The following DISP1 variants were observed in gnomAD, a reference collection of about 807,000 sequenced individuals.
The protein encoded by DISP1 is dispatched RND transporter family member 1, also known as protein dispatched homolog 1.
In DISP1, 30 loss-of-function variants were observed where a neutral mutation model predicts 37.3. The observed-to-expected ratio is 0.80, with a 90% confidence interval of 0.60 to 1.09. The LOEUF (loss-of-function observed/expected upper bound fraction) is 1.09, where lower values mean the gene tolerates loss of function less well. Ranked by LOEUF, DISP1 falls within the 50% of genes least tolerant of loss-of-function variation. DISP1 has a pLI of 0.00. For missense variants in DISP1, 1,598 were observed against 1,879.5 expected, an observed-to-expected ratio of 0.85 and a Z score of 2.77; for synonymous variants, 634 against 690.2, an observed-to-expected ratio of 0.92 and a Z score of 1.28.
chr1:222,924,924 C>T (rs1419737761), intron 1 of DISP1, among the ~76,000 whole-genome samples: 1 of 151,998 alleles, frequency 6.6e-6, no homozygotes, highest in Non-Finnish European at 1.5e-5. Context: ...TTTTTCCCTC[C>T]CCCATGCCCT....
intron 1 of DISP1, among the ~76,000 whole-genome samples, chr1:222,861,477 G>T (rs1177870895): frequency 6.6e-6 from 1 of 152,152 alleles, no homozygotes; most frequent in Non-Finnish European, 1.5e-5. Context: ...CTTTGAGAAA[G>T]AGATTATGTA....
chr1:222,845,620 A>G (rs1667853728), intron 1 of DISP1, among the ~76,000 whole-genome samples: 1 of 152,198 alleles, frequency 6.6e-6, no homozygotes, highest in South Asian at 2.1e-4. Context: ...ATTTTTGAAC[A>G]ATATGTTTAG....
At chr1:222,973,508 A>C (rs1677098547) in intron 3 of DISP1, among the ~76,000 whole-genome samples, 1 of 152,172 alleles carries the variant, frequency 6.6e-6, no homozygotes, top group East Asian at 1.9e-4. Context: ...TTTGTATATG[A>C]ATGTGTACTC....
chr1:222,991,464 A>T, intron 5 of DISP1, 56 bp from the exon 6 acceptor site: 1 of 1,609,344 alleles, frequency 6.2e-7, no homozygotes, highest in Non-Finnish European at 8.5e-7. Context: ...CTTTTATTGT[A>T]ACTGTACTTA....
chr1:222,815,772 G>A lies in DISP1; in HGVS notation c.-159+694G>A, dbSNP rs1661063604. On this transcript the variant is annotated intron_variant, in intron 1 of 8. Coordinates refer to ENST00000675850, the MANE Select transcript of DISP1 (RefSeq NM_001377229.1). ...TCTTCACCCAAGGAAGACAACCAAA[G>A]TTTTCCTTTTGGACTCTTCTCTACC... Among the ~76,000 whole-genome samples, 4 of 152,242 alleles carry A rather than the reference G, an allele frequency of 2.6e-5. No individual in the cohort carries two copies. The South Asian group carries it at 8.3e-4, about 32-fold the overall frequency.
intron 1 of DISP1, among the ~76,000 whole-genome samples, chr1:222,915,533 CT>C (rs1270690817): frequency 1.3e-5 from 2 of 152,188 alleles, no homozygotes; most frequent in African/African-American, 4.8e-5. Context: ...CATTAGAATT[CT>C]TGGTCATTGA....
In DISP1 at chr1:223,004,983, C is replaced by T. The variant is rs1031827162; in HGVS notation, c.3586C>T (p.Pro1196Ser). ...GGAGCATGAGTTTTATGAATTAGAA[C>T]CTCTGGCTTCCCACAGCTGCACTGC... is the stretch of plus-strand genomic sequence containing the variant. ...ELEHEFYELEPLASHSCTAPE... is the reference protein window; with the variant it reads ...ELEHEFYELESLASHSCTAPE... Residue 1196 changes from proline (P) to serine (S), a missense_variant, in exon 9 of 9, where the codon CCT becomes TCT. Coordinates refer to ENST00000675850, the MANE Select transcript of DISP1 (RefSeq NM_001377229.1). The surrounding 1 kb of genome is among the most constrained non-coding windows in gnomAD (Gnocchi z 4.9). The T allele has an allele frequency of 6.2e-7, 1 of 1,614,038 alleles. No individual in the cohort carries two copies. The highest frequency in any genetic ancestry group is 2.2e-5 in the East Asian group (1 of 44,870).
intron 1 of DISP1, among the ~76,000 whole-genome samples, chr1:222,829,459 T>A (rs980705612): frequency 6.6e-6 from 1 of 150,634 alleles, no homozygotes; most frequent in Non-Finnish European, 1.5e-5. Context: ...TTTTTTTTTT[T>A]CATGAGATAG....
chr1:222,941,630 G>A (rs75505205), intron 2 of DISP1, among the ~76,000 whole-genome samples: 13,554 of 152,112 alleles, frequency 0.089, 644 homozygotes, highest in South Asian at 0.18. Context: ...TGCCTCTGCT[G>A]AGCAGTTTAC....
chr1:222,841,217 T>C (rs1257644255), intron 1 of DISP1, among the ~76,000 whole-genome samples: 1 of 152,224 alleles, frequency 6.6e-6, no homozygotes, highest in African/African-American at 2.4e-5. Context: ...CATATTTGAC[T>C]CCTTCCTTTT....
chr1:222,886,955 T>G (rs1185135860), intron 1 of DISP1, among the ~76,000 whole-genome samples: 1 of 152,218 alleles, frequency 6.6e-6, no homozygotes, highest in African/African-American at 2.4e-5. Context: ...TCTCTCAGAA[T>G]TTTTTGGGCA....
intron 1 of DISP1, among the ~76,000 whole-genome samples, chr1:222,819,765 T>C (rs963016706): frequency 2.0e-5 from 3 of 152,112 alleles, no homozygotes; most frequent in African/African-American, 7.2e-5. Context: ...GGTCTTGAAC[T>C]CTTGACCTCA....
chr1:222,991,778 T>G, intron 6 of DISP1, 131 bp downstream of exon 6: 1 of 1,082,928 alleles, frequency 9.2e-7, no homozygotes, highest in Non-Finnish European at 1.3e-6. Flanking sequence ...TGAATTTGCT[T>G]AACTTGTCAT....
intron 2 of DISP1, among the ~76,000 whole-genome samples, chr1:222,935,010 A>G (rs940339419): frequency 1.3e-5 from 2 of 152,114 alleles, no homozygotes; most frequent in African/African-American, 4.8e-5. Flanking sequence ...TTAATTGTGC[A>G]TATCTTGCCA....
chr1:222,837,210 A>G (rs1667267870), intron 1 of DISP1: 1 of 393,352 alleles, frequency 2.5e-6, no homozygotes, highest in African/African-American at 2.1e-5. Context: ...TTGGCTGGGA[A>G]ATGACAAGAA....
At chr1:222,842,679 AACAC>A (rs1413750263) in intron 1 of DISP1, among the ~76,000 whole-genome samples, 2 of 152,108 alleles carry the variant, frequency 1.3e-5, no homozygotes, top group Non-Finnish European at 2.9e-5. Flanking sequence ...TGCATCTGTT[AACAC>A]ACAGGCTTTG....
chr1:222,857,269 A>G (rs1445051533), intron 1 of DISP1, among the ~76,000 whole-genome samples: 1 of 152,104 alleles, frequency 6.6e-6, no homozygotes, highest in African/African-American at 2.4e-5. Context: ...TACATATCTA[A>G]AAAAAAGAAA....
intron 3 of DISP1, among the ~76,000 whole-genome samples, chr1:222,952,570 A>G (rs974179038): frequency 6.6e-6 from 1 of 152,188 alleles, no homozygotes; most frequent in Admixed American, 6.6e-5. Context: ...CCTGAAGGAC[A>G]GCTGTGCGCA....
Position 222,943,378 on chromosome 1 carries a change from G to A in DISP1, c.509+46G>A, listed in dbSNP as rs767700489. The A allele has an allele frequency of 1.8e-5, 29 of 1,611,756 alleles. No homozygotes were observed. In the East Asian group the frequency reaches 3.1e-4, roughly 17 times the overall value. On this transcript the variant is annotated intron_variant, in intron 3 of 8. Coordinates refer to ENST00000675850, the MANE Select transcript of DISP1 (RefSeq NM_001377229.1). Reference sequence around the variant, plus strand: ...GCTTTTAGCATTCAACTAATGCCACGTGAACATGACAGCTTGTGTTTATTT... The same window carrying A: ...GCTTTTAGCATTCAACTAATGCCACATGAACATGACAGCTTGTGTTTATTT...
Sources: gnomAD v4.1 joint callset for allele counts (sites outside exome capture counted in the v4.1 genomes callset) on GRCh38, gnomAD v4.1.1 for gene constraint, Gnocchi (gnomAD v3.1) non-coding constraint, MANE v1.5 for transcripts, NCBI Gene and HGNC (gene_info 2026-07-23, HGNC 2026-07-21) for gene names.